Variants in PCDHGA4 observed in about 807,000 individuals in gnomAD.
PCDHGA4 encodes protocadherin gamma subfamily A, 4, also known as protocadherin gamma-A4.
PCDHGA4 carries 38 observed loss-of-function variants against 54.6 expected under a neutral mutation model. That is an observed-to-expected ratio of 0.70 (90% CI 0.54 to 0.91). The LOEUF (loss-of-function observed/expected upper bound fraction) is 0.91. Among genes scored for constraint, PCDHGA4 ranks in the 40% least tolerant of loss-of-function variants. The pLI, the probability that PCDHGA4 is intolerant of heterozygous loss-of-function variation, is 0.00. For missense variants in PCDHGA4, 1,298 were observed against 1,220.9 expected (o/e 1.06, Z -0.94); for synonymous variants, 511 against 512.9 (o/e 1.00, Z 0.05).
chr5:141,392,894 G>A (rs1327938971), intron 1 of PCDHGA4: 14 of 1,613,802 alleles, frequency 8.7e-6, no homozygotes, highest in Non-Finnish European at 1.2e-5. Flanking sequence ...GGGAAATCGG[G>A]AGGGGACAGA....
chr5:141,494,759 C>A (rs776923097), intron 1 of PCDHGA4, 48 bp from the exon 2 acceptor site: 3 of 1,613,886 alleles, frequency 1.9e-6, no homozygotes, highest in Non-Finnish European at 2.5e-6. Context: ...GGGTGACATT[C>A]TAACTTCTCA....
intron 1 of PCDHGA4, among the ~76,000 whole-genome samples, chr5:141,444,275 G>A (rs1427489988): frequency 7.1e-6 from 1 of 141,698 alleles, no homozygotes; most frequent in Non-Finnish European, 1.5e-5. Flanking sequence ...AGGTTCAAGT[G>A]ATTCTCCTGC....
intron 1 of PCDHGA4, chr5:141,415,519 A>T: frequency 1.9e-6 from 3 of 1,614,182 alleles, no homozygotes; most frequent in Non-Finnish European, 2.5e-6. Context: ...TTATGCGGAC[A>T]CGCTCATCAG....
intron 1 of PCDHGA4, among the ~76,000 whole-genome samples, chr5:141,468,921 G>A (rs1254189500): frequency 6.6e-6 from 1 of 151,342 alleles, no homozygotes; most frequent in African/African-American, 2.4e-5. Context: ...GAAGAGAATA[G>A]CACTAAAATG....
chr5:141,413,054 A>G (rs2095600698), intron 1 of PCDHGA4: 1 of 981,614 alleles, frequency 1.0e-6, no homozygotes, highest in African/African-American at 1.6e-5. Flanking sequence ...AGGGAAGCTC[A>G]CTCCAGAATT....
intron 2 of PCDHGA4, among the ~76,000 whole-genome samples, chr5:141,499,689 C>CTTTTTTT (rs545067566): frequency 3.3e-5 from 4 of 119,856 alleles, no homozygotes; most frequent in Admixed American, 8.7e-5. Context: ...TAACAGATGA[C>CTTTTTTT]TTTTTTTTTT....
intron 1 of PCDHGA4, chr5:141,419,197 T>A (rs560134083): frequency 6.2e-7 from 1 of 1,613,966 alleles, no homozygotes; most frequent in East Asian, 2.2e-5. Flanking sequence ...CTGACGTCAA[T>A]GACAACGCGC....
chr5:141,403,694 C>T (rs746395931), intron 1 of PCDHGA4: 3 of 1,613,760 alleles, frequency 1.9e-6, no homozygotes, highest in Admixed American at 3.3e-5. Flanking sequence ...ACGGATTTAC[C>T]GAGTTAAAGT....
rs556759092 is a variant in PCDHGA4, at chr5:141,355,938, G to C, written c.831G>C (p.Glu277Asp). ...ATGCTCCCGTGTTCACTCAGCCCGA[G>C]TACCACGTAAGTGTTCGTGAGAACG... ...NDNAPVFTQP[E>D]YHVSVRENVP... The change falls in exon 1 of 4, where the codon GAG becomes GAC. Residue 277 changes from glutamate to aspartate, a missense_variant. Coordinates refer to ENST00000571252, the MANE Select transcript of PCDHGA4 (RefSeq NM_018917.4). 1 of 1,613,878 alleles carries C rather than the reference G, an allele frequency of 6.2e-7. No homozygotes were observed. Among genetic ancestry groups the C allele is most frequent in the South Asian group, 1.1e-5 (1 of 91,066 alleles).
At chr5:141,430,331 T>C (rs1266364984) in intron 1 of PCDHGA4, among the ~76,000 whole-genome samples, 2 of 150,984 alleles carry the variant, frequency 1.3e-5, no homozygotes, top group Non-Finnish European at 2.9e-5. Context: ...TCATTGTTTA[T>C]AGAAACTTCC....
intron 1 of PCDHGA4, among the ~76,000 whole-genome samples, chr5:141,449,753 C>T (rs1260240861): frequency 6.6e-6 from 1 of 151,246 alleles, no homozygotes; most frequent in East Asian, 1.9e-4. Context: ...ATTTTTATGA[C>T]ATTTGAGAGT....
chr5:141,477,582 A>T lies in PCDHGA4; in HGVS notation c.2515-17225A>T, dbSNP rs567486170. The T allele has an allele frequency of 6.2e-7, 1 of 1,614,190 alleles. No individual in the cohort carries two copies. The highest frequency in any genetic ancestry group is 2.2e-5 in the East Asian group (1 of 44,888). ...GTCTGGGACCCCGACGCCCCGCAGA[A>T]TGCTCGGCTTTCTTTCTTTCTCTTG... On this transcript the variant is annotated intron_variant, in intron 1 of 3. Transcript: ENST00000571252. The surrounding 1 kb of genome is among the most constrained non-coding windows in gnomAD (Gnocchi z 4.9).
At chr5:141,421,478 G>T in intron 1 of PCDHGA4, 1 of 1,614,130 alleles carries the variant, frequency 6.2e-7, no homozygotes, top group Non-Finnish European at 8.5e-7. Flanking sequence ...CGAAGCGGCA[G>T]CTTGATCACG....
intron 1 of PCDHGA4, among the ~76,000 whole-genome samples, chr5:141,466,570 T>C (rs967163331): frequency 6.6e-6 from 1 of 152,202 alleles, no homozygotes; most frequent in East Asian, 1.9e-4. Flanking sequence ...TCTTCAACAT[T>C]GTCTCATCCC....
intron 1 of PCDHGA4, chr5:141,400,265 G>T (rs2093992954): frequency 6.2e-7 from 1 of 1,613,876 alleles, no homozygotes. Context: ...CGCCTGCGAC[G>T]CTCCTCCAGC....
rs545943961 is a variant in PCDHGA4, at chr5:141,373,227, T to C, written c.2514+15606T>C. On this transcript the variant is annotated intron_variant, in intron 1 of 3. Coordinates refer to ENST00000571252, the MANE Select transcript of PCDHGA4 (RefSeq NM_018917.4). ...ACACATTTTTAATGTAACCTGTATATAATATTTTTACTTCCCTTTGCATGT... is the reference window on the plus strand; with the variant it reads ...ACACATTTTTAATGTAACCTGTATACAATATTTTTACTTCCCTTTGCATGT... 9.8e-5 allele frequency among the ~76,000 whole-genome samples: 15 copies of C among 152,350 alleles called. No homozygotes were observed. In the East Asian group the frequency reaches 2.7e-3, roughly 27 times the overall value.
chr5:141,407,135 GA>G (rs796659459), intron 1 of PCDHGA4, among the ~76,000 whole-genome samples: 93 of 151,930 alleles, frequency 6.1e-4, no homozygotes, highest in African/African-American at 2.2e-3. Flanking sequence ...TTATTTTTAA[GA>G]AAAAAAAGCT....
intron 1 of PCDHGA4, chr5:141,392,630 C>T (rs1431794812): frequency 1.7e-6 from 1 of 602,802 alleles, no homozygotes; most frequent in African/African-American, 1.9e-5. Context: ...ACACTCAGAT[C>T]TCACACCTCA....
intron 1 of PCDHGA4, chr5:141,365,106 C>T (rs1561533210): frequency 6.2e-7 from 1 of 1,613,862 alleles, no homozygotes; most frequent in Non-Finnish European, 8.5e-7. Context: ...CCTGTGGGCA[C>T]TCGGCTGCTC....
Sources: gnomAD v4.1 joint callset for allele counts (sites outside exome capture counted in the v4.1 genomes callset) on GRCh38, gnomAD v4.1.1 for gene constraint, Gnocchi (gnomAD v3.1) non-coding constraint, MANE v1.5 for transcripts, NCBI Gene and HGNC (gene_info 2026-07-23, HGNC 2026-07-21) for gene names.